CDH13: variants seen among roughly 807,000 people sequenced by gnomAD.
The protein encoded by CDH13 is cadherin-13.
Under a neutral mutation model 63.8 loss-of-function variants are expected in CDH13, and 24 were observed. That is an observed-to-expected ratio of 0.38 (90% CI 0.27 to 0.53). The LOEUF is 0.53. Among genes scored for constraint, CDH13 ranks in the 20% least tolerant of loss-of-function variants. CDH13 has a pLI of 0.85. For synonymous variants in CDH13, 503 were observed against 355.3 expected, an observed-to-expected ratio of 1.42 and a Z score of -4.67; for missense variants, 1,049 against 903.1, an observed-to-expected ratio of 1.16 and a Z score of -2.07.
At chr16:83,121,924 T>C (rs950706503) in intron 3 of CDH13, among the ~76,000 whole-genome samples, 2 of 151,996 alleles carry the variant, frequency 1.3e-5, no homozygotes, top group African/African-American at 2.4e-5. Flanking sequence ...TCTTGTTTCC[T>C]GTTTGAACTT....
intron 2 of CDH13, among the ~76,000 whole-genome samples, chr16:82,894,013 A>AT (rs1038493710): frequency 9.3e-5 from 14 of 150,518 alleles, no homozygotes; most frequent in African/African-American, 3.4e-4. Flanking sequence ...TTATTTATTT[A>AT]TTTTTTTACT....
At chr16:83,073,783 T>G (rs1177143270) in intron 3 of CDH13, among the ~76,000 whole-genome samples, 1 of 152,094 alleles carries the variant, frequency 6.6e-6, no homozygotes, top group Admixed American at 6.6e-5. Context: ...TAGCATAGTA[T>G]GTATATGTAA....
At chr16:82,735,523 C>T (rs1176169847) in intron 1 of CDH13, among the ~76,000 whole-genome samples, 1 of 152,204 alleles carries the variant, frequency 6.6e-6, no homozygotes. Flanking sequence ...GTGGGCAAAT[C>T]AAGAAATTGT....
chr16:82,969,023 C>T (rs1908298082), intron 2 of CDH13, among the ~76,000 whole-genome samples: 1 of 152,304 alleles, frequency 6.6e-6, no homozygotes, highest in African/African-American at 2.4e-5. Flanking sequence ...AGGAGAATCG[C>T]TTGAACCCTG....
intron 6 of CDH13, among the ~76,000 whole-genome samples, chr16:83,390,445 A>G (rs1420333343): frequency 7.3e-6 from 1 of 136,164 alleles, no homozygotes. Context: ...TCCCATTTCT[A>G]TTTACAAATA....
At chr16:83,520,989 A>AT (rs2074819231) in intron 7 of CDH13, among the ~76,000 whole-genome samples, 1 of 151,998 alleles carries the variant, frequency 6.6e-6, no homozygotes, top group South Asian at 2.1e-4. Flanking sequence ...CCAAACTTCA[A>AT]TTTTTTAAAT....
chr16:82,717,119 A>T (rs774446265), intron 1 of CDH13, among the ~76,000 whole-genome samples: 9 of 152,090 alleles, frequency 5.9e-5, no homozygotes, highest in Non-Finnish European at 1.0e-4. Flanking sequence ...CCACACTGCC[A>T]TCTTCTGCCT....
intron 4 of CDH13, among the ~76,000 whole-genome samples, chr16:83,144,034 G>T (rs2036644376): frequency 6.6e-6 from 1 of 152,046 alleles, no homozygotes; most frequent in African/African-American, 2.4e-5. Flanking sequence ...GGCCCTGTTT[G>T]TTCTTGTATG....
At chr16:83,713,577 A>G (rs979769631) in intron 10 of CDH13, among the ~76,000 whole-genome samples, 1 of 152,110 alleles carries the variant, frequency 6.6e-6, no homozygotes, top group Non-Finnish European at 1.5e-5. Context: ...TTTACCTCTC[A>G]CAAATGGTAT....
chr16:83,056,475 G>A (rs952578096), intron 3 of CDH13, among the ~76,000 whole-genome samples: 21 of 151,346 alleles, frequency 1.4e-4, no homozygotes, highest in African/African-American at 4.9e-4. Context: ...AAAAAAAAAA[G>A]CAACTGTTAT....
At chr16:82,858,786 G>T in intron 2 of CDH13, 1 of 414,692 alleles carries the variant, frequency 2.4e-6, no homozygotes, top group Non-Finnish European at 4.3e-6. Context: ...CATTTCCCCT[G>T]GGCAGATCCC....
At chr16:83,031,921 G>T in intron 2 of CDH13, 89 bp from the exon 3 acceptor site, 2 of 1,006,468 alleles carry the variant, frequency 2.0e-6, no homozygotes, top group Non-Finnish European at 3.0e-6. Flanking sequence ...GAAACTATGT[G>T]GTAATTCACA....
chr16:83,367,166 A>T (rs114353649), intron 6 of CDH13, among the ~76,000 whole-genome samples: 1 of 152,200 alleles, frequency 6.6e-6, no homozygotes. Context: ...CCAATGATCC[A>T]CTTTCTACCT....
At chr16:83,281,101 A>C (rs2089157589) in intron 5 of CDH13, among the ~76,000 whole-genome samples, 1 of 152,370 alleles carries the variant, frequency 6.6e-6, no homozygotes, top group Non-Finnish European at 1.5e-5. Context: ...TAGCTATGAA[A>C]GTCCTACACG....
At chr16:83,319,688 A>C (rs1454633922) in intron 5 of CDH13, among the ~76,000 whole-genome samples, 4 of 152,218 alleles carry the variant, frequency 2.6e-5, no homozygotes, top group Non-Finnish European at 5.9e-5. Flanking sequence ...CATCTATGCA[A>C]AGTTGTGACA....
chr16:82,917,371 T>C (rs1336367607), intron 2 of CDH13, among the ~76,000 whole-genome samples: 1 of 152,042 alleles, frequency 6.6e-6, no homozygotes, highest in Non-Finnish European at 1.5e-5. Flanking sequence ...AATTTAGATA[T>C]GTTAAAACTT....
chr16:83,433,873 C>T (rs2072204155), intron 6 of CDH13, among the ~76,000 whole-genome samples: 1 of 152,082 alleles, frequency 6.6e-6, no homozygotes, highest in Non-Finnish European at 1.5e-5. Context: ...TTCCTCAGTG[C>T]AAAGCACACT....
chr16:82,779,759 T>C (rs2035663400), intron 1 of CDH13, among the ~76,000 whole-genome samples: 1 of 152,190 alleles, frequency 6.6e-6, no homozygotes, highest in East Asian at 1.9e-4. Context: ...TGTGTGAATA[T>C]ACCTTTGTGT....
At chr16:83,051,351 G>C (rs953496578) in intron 3 of CDH13, among the ~76,000 whole-genome samples, 1 of 152,124 alleles carries the variant, frequency 6.6e-6, no homozygotes, top group Non-Finnish European at 1.5e-5. Flanking sequence ...GTTGCAATAG[G>C]TTTACAGGAA....
Sources: gnomAD v4.1 joint callset for allele counts (sites outside exome capture counted in the v4.1 genomes callset) on GRCh38, gnomAD v4.1.1 for gene constraint, MANE v1.5 for transcripts, NCBI Gene and HGNC (gene_info 2026-07-23, HGNC 2026-07-21) for gene names.